ARHGEF39: variants seen among roughly 807,000 people sequenced by gnomAD.
ARHGEF39 encodes the protein Rho guanine nucleotide exchange factor 39.
ARHGEF39 carries 45 observed loss-of-function variants against 47.5 expected under a neutral mutation model. The observed-to-expected ratio is 0.95, with a 90% confidence interval of 0.75 to 1.22. ARHGEF39 has a LOEUF of 1.22. ARHGEF39 is among the 50% of genes most tolerant of loss of function. The probability of loss-of-function intolerance (pLI) is 0.00; values close to 1 mark genes in which losing one functional copy is unlikely to be tolerated. For missense variants in ARHGEF39, 411 were observed against 425.3 expected, an observed-to-expected ratio of 0.97 and a Z score of 0.30; for synonymous variants, 164 against 167.8, an observed-to-expected ratio of 0.98 and a Z score of 0.17.
In ARHGEF39 at chr9:35,664,010, C is replaced by T; in HGVS notation, c.471G>A (p.Gln157=). 1 of 1,613,622 alleles carries T rather than the reference C, an allele frequency of 6.2e-7. No individual in the cohort carries two copies. The highest frequency in any genetic ancestry group is 1.1e-5 in the South Asian group (1 of 91,070). The change falls in exon 4 of 9, where the codon CAG becomes CAA. Residue 157 remains glutamine, a splice_region_variant and synonymous_variant. Coordinates refer to ENST00000378387, the MANE Select transcript of ARHGEF39 (RefSeq NM_032818.3). ...DLLPLPLQRL[Q]QYENLVVALA... is the part of the protein sequence containing the mutation. ...GCTGGAATCAAGAGTTCACTCACTG[C>T]TGGAGCCGTTGCAGAGGCAGAGGGA...
Position 35,660,146 on chromosome 9 carries a change from C to T in ARHGEF39, c.*1841G>A. On this transcript the variant is annotated 3_prime_UTR_variant, in exon 9 of 9. Coordinates refer to ENST00000378387, the MANE Select transcript of ARHGEF39 (RefSeq NM_032818.3). ...AGGTGTGAGCCACAGCACTCAGCCA[C>T]CAGAGCTTTTTTCAAACCGGAGGGA... The T allele has an allele frequency of 2.5e-6, 1 of 401,674 alleles. No individual in the cohort carries two copies. The highest frequency in any genetic ancestry group is 4.5e-6 in the Non-Finnish European group (1 of 223,128). 24.9% of individuals were successfully genotyped at this position (401,674 alleles called of 1,614,324 possible). A position where few individuals can be genotyped will look rare whatever the true frequency, so the allele number is the denominator to read the frequency against.
chr9:35,662,430 A>G, intron 7 of ARHGEF39, 82 bp downstream of exon 7: 1 of 1,475,788 alleles, frequency 6.8e-7, no homozygotes, highest in Non-Finnish European at 9.2e-7. Context: ...TTCCTATGAA[A>G]AGGGACCCAG....
chr9:35,664,991 G>A, intron 1 of ARHGEF39, 41 bp downstream of exon 1: 1 of 1,517,500 alleles, frequency 6.6e-7, no homozygotes, highest in Non-Finnish European at 8.8e-7. Flanking sequence ...CACACCCTGG[G>A]GTCCCTGTCC....
rs770102025 is a variant in ARHGEF39 at position 35,665,101 on chromosome 9, G to A, written c.69C>T (p.Arg23=). The change falls in exon 1 of 9, where the codon CGC becomes CGT. Residue 23 remains arginine, a synonymous_variant. Coordinates refer to ENST00000378387, the MANE Select transcript of ARHGEF39 (RefSeq NM_032818.3). ...QEQRARWERK[R]ACTARELLET... is the part of the protein sequence containing the mutation. ...CTAGCAGCTCCCGGGCGGTGCAGGC[G>A]CGTTTCCGCTCCCAGCGGGCACGCT... 4 of 1,550,748 alleles carry A rather than the reference G, an allele frequency of 2.6e-6. No individual in the cohort carries two copies. The highest frequency in any genetic ancestry group is 3.5e-6 in the Non-Finnish European group (4 of 1,148,012).
Position 35,663,092 on chromosome 9 carries a change from A to C in ARHGEF39, c.545-18T>G, listed in dbSNP as rs768640628. On this transcript the variant is annotated intron_variant, in intron 5 of 8. Coordinates refer to ENST00000378387, the MANE Select transcript of ARHGEF39 (RefSeq NM_032818.3). The stretch of plus-strand genomic sequence containing the variant: ...GGCAGCCCCTGGAATAACATCTCCC[A>C]CCTTACTCCCCATACAACTTTGACT... 4 of 1,611,344 alleles carry C rather than the reference A, an allele frequency of 2.5e-6. No homozygotes were observed. Among genetic ancestry groups the C allele is most frequent in the Non-Finnish European group, 3.4e-6 (4 of 1,178,068 alleles).
Position 35,661,974 on chromosome 9 carries a change from C to CT in ARHGEF39, c.*12dup. ...CCTGAGGTATCCTGAGTTCTGGAAT[C>CT]TATAAGATTCCTCTAGTTTTTCTGG... is the stretch of plus-strand genomic sequence containing the variant. On this transcript the variant is annotated 3_prime_UTR_variant, in exon 9 of 9. Coordinates refer to ENST00000378387, the MANE Select transcript of ARHGEF39 (RefSeq NM_032818.3). 6.2e-7 allele frequency: 1 copy of CT among 1,613,524 alleles called. No individual in the cohort carries two copies.
chr9:35,662,020 T>A lies in ARHGEF39; in HGVS notation c.993-18A>T, dbSNP rs549593972. 1 of 1,613,818 alleles carries A rather than the reference T, an allele frequency of 6.2e-7. No homozygotes were observed. Among genetic ancestry groups the A allele is most frequent in the Non-Finnish European group, 8.5e-7 (1 of 1,179,904 alleles). ...TCTGGCTGCTGTGGAGAGAAGACAG[T>A]CAGTTCAGGCACTGGTATGAGTGCT... On this transcript the variant is annotated intron_variant, in intron 8 of 8. Transcript: ENST00000378387.
At position 35,660,697 on chromosome 9, in the gene ARHGEF39, G is replaced by A. The variant is rs1179128801; in HGVS notation, c.*1290C>T. On this transcript the variant is annotated 3_prime_UTR_variant, in exon 9 of 9. Transcript: ENST00000378387. Reference sequence around the variant, plus strand: ...ATTTTTGGGGAATTTGTGGCAGGAGGGAGGAATGGGGACATAGGTTGGGAG... The same window carrying A: ...ATTTTTGGGGAATTTGTGGCAGGAGAGAGGAATGGGGACATAGGTTGGGAG... The A allele has an allele frequency of 5.6e-6, 9 of 1,613,582 alleles. No homozygotes were observed. The highest frequency in any genetic ancestry group is 7.6e-6 in the Non-Finnish European group (9 of 1,179,640).
rs1225329014 is a variant in ARHGEF39, at chr9:35,662,175, T to C, written c.992+4A>G. The C allele has an allele frequency of 3.1e-6, 5 of 1,613,892 alleles. No homozygotes were observed. Among genetic ancestry groups the C allele is most frequent in the Non-Finnish European group, 4.2e-6 (5 of 1,179,782 alleles). On this transcript the variant is annotated splice_donor_region_variant and intron_variant, in intron 8 of 8. Coordinates refer to ENST00000378387, the MANE Select transcript of ARHGEF39 (RefSeq NM_032818.3). The stretch of plus-strand genomic sequence containing the variant: ...CACCCTTCCTGGGGGAAGACACAAC[T>C]TACCTGATAGCCCAAGTCAGACTGT...
At position 35,659,421 on chromosome 9, in the gene ARHGEF39, C is replaced by T. The variant is rs1278991191; in HGVS notation, c.*2566G>A. 1 of 152,178 alleles carries T rather than the reference C, an allele frequency of 6.6e-6. No homozygotes were observed. The highest frequency in any genetic ancestry group is 1.5e-5 in the Non-Finnish European group (1 of 68,022). The allele number at this position is 152,178 out of a possible 1,614,324, so 9.4% of individuals were successfully genotyped here. On this transcript the variant is annotated 3_prime_UTR_variant, in exon 9 of 9. Transcript: ENST00000378387. ...TTCTGTTCTTGGACCTGAGTACAGT[C>T]TGGGAGAAACATAATGTAGCAGGAG...
At chr9:35,664,166 C>G (rs1824118601) in intron 3 of ARHGEF39, 40 bp from the exon 4 acceptor site, 6 of 1,586,886 alleles carry the variant, frequency 3.8e-6, no homozygotes, top group African/African-American at 1.3e-5. Context: ...GGGAGAGAAG[C>G]CACTCCTTAT....
rs1824173416 is a variant in ARHGEF39 at position 35,665,188 on chromosome 9, A to G, written c.-19T>C. 1.4e-6 allele frequency: 2 copies of G among 1,460,928 alleles called. No homozygotes were observed. Among genetic ancestry groups the G allele is most frequent in the South Asian group, 2.7e-5 (2 of 74,158 alleles). 90.5% of individuals were successfully genotyped at this position (1,460,928 alleles called of 1,614,324 possible). A position where few individuals can be genotyped will look rare whatever the true frequency, so the allele number is the denominator to read the frequency against. On this transcript the variant is annotated 5_prime_UTR_variant, in exon 1 of 9. Transcript: ENST00000378387. The stretch of plus-strand genomic sequence containing the variant: ...GCTCCATGCCCTGGCTGAGGGATCG[A>G]CACTTCCGGCTGCAGTCCGCGGCAG...
chr9:35,664,983 C>T, intron 1 of ARHGEF39, 49 bp downstream of exon 1: 1 of 1,512,432 alleles, frequency 6.6e-7, no homozygotes, highest in Admixed American at 2.1e-5. Context: ...GACCCTCCCA[C>T]ACCCTGGGGT....
In ARHGEF39 at chr9:35,660,657, G is replaced by A. The variant is rs554125657; in HGVS notation, c.*1330C>T. On this transcript the variant is annotated 3_prime_UTR_variant, in exon 9 of 9. Coordinates refer to ENST00000378387, the MANE Select transcript of ARHGEF39 (RefSeq NM_032818.3). ...ACCCCCTTTTTGAGCGGTGAGGAGA[G>A]CAATGATTCTGTGAATTTTTGGGGA... is the stretch of plus-strand genomic sequence containing the variant. The A allele has an allele frequency of 3.1e-6, 5 of 1,614,142 alleles. No individual in the cohort carries two copies. In the African/African-American group the frequency reaches 5.3e-5, roughly 17 times the overall value.
Position 35,665,070 on chromosome 9 carries a change from CG to C in ARHGEF39, c.99del (p.Glu34SerfsTer19). 6.4e-7 allele frequency: 1 copy of C among 1,561,278 alleles called. No homozygotes were observed. The highest frequency in any genetic ancestry group is 8.7e-7 in the Non-Finnish European group (1 of 1,154,492). Reference protein sequence around the residue: ...RACTARELLETERRYQEQLGL... With the variant: ...RACTARELLEXERRYQEQLGL... Reference sequence around the variant, plus strand: ...CCCAGCTGTTCTTGGTAGCGCCGCTCGGTCTCTAGCAGCTCCCGGGCGGTGC... The same window carrying C: ...CCCAGCTGTTCTTGGTAGCGCCGCTCGTCTCTAGCAGCTCCCGGGCGGTGC... On this transcript the variant is annotated frameshift_variant, in exon 1 of 9. Transcript: ENST00000378387. LOFTEE classifies it high-confidence loss of function.
intron 2 of ARHGEF39, 83 bp from the exon 3 acceptor site, chr9:35,664,575 T>C: frequency 1.3e-6 from 2 of 1,519,062 alleles, no homozygotes; most frequent in East Asian, 2.3e-5. Flanking sequence ...ATAGCACTAA[T>C]AGTAGTGCTA....
At position 35,663,388 on chromosome 9, in the gene ARHGEF39, C is replaced by T; in HGVS notation, c.478G>A (p.Glu160Lys). The T allele has an allele frequency of 6.2e-7, 1 of 1,613,404 alleles. No individual in the cohort carries two copies. Among genetic ancestry groups the T allele is most frequent in the Non-Finnish European group, 8.5e-7 (1 of 1,179,692 alleles). The change falls in exon 5 of 9, where the codon GAG becomes AAG. Residue 160 changes from glutamate (E) to lysine (K), a missense_variant. Coordinates refer to ENST00000378387, the MANE Select transcript of ARHGEF39 (RefSeq NM_032818.3). The part of the protein sequence containing the change: ...PLPLQRLQQY[E>K]NLVVALAENT... ...TCAGCCAAAGCTACGACGAGATTCT[C>T]ATACCTGGAATTCAACAGTGGGAAG...
intron 1 of ARHGEF39, 64 bp downstream of exon 1, chr9:35,664,968 G>C: frequency 6.6e-7 from 1 of 1,508,274 alleles, no homozygotes; most frequent in Non-Finnish European, 8.9e-7. Context: ...TACCGACCTC[G>C]CAGAGACCCT....
chr9:35,662,712 A>G lies in ARHGEF39; in HGVS notation c.703T>C (p.Leu235=). The G allele has an allele frequency of 1.3e-6, 2 of 1,569,584 alleles. No homozygotes were observed. The highest frequency in any genetic ancestry group is 1.7e-6 in the Non-Finnish European group (2 of 1,157,426). Residue 235 remains leucine (L), a synonymous_variant, in exon 7 of 9, where the codon TTA becomes CTA. Transcript: ENST00000378387. Reference sequence around the variant, plus strand: ...GGCTCCCCATGGGGAGGCACCACTAACAGCCAGCCCTGGCGTAGGAACCAG... The same window carrying G: ...GGCTCCCCATGGGGAGGCACCACTAGCAGCCAGCCCTGGCGTAGGAACCAG... The part of the protein sequence containing the change: ...GRWFLRQGWL[L]VVPPHGEPRP...
Sources: gnomAD v4.1 joint callset for allele counts on GRCh38, gnomAD v4.1.1 for gene constraint, MANE v1.5 for transcripts, NCBI Gene and HGNC (gene_info 2026-07-23, HGNC 2026-07-21) for gene names.